The following THRB variants were observed in gnomAD, a reference collection of about 807,000 sequenced individuals.
The protein encoded by THRB is nuclear receptor subfamily 1 group A member 2.
In THRB, 12 loss-of-function variants were observed where a neutral mutation model predicts 47.8. The ratio of observed to expected loss-of-function variants is 0.25; its 90% confidence interval spans 0.16 to 0.41. THRB has a LOEUF of 0.41. THRB is among the 10% of genes least tolerant of loss of function. THRB has a pLI of 1.00. For missense variants in THRB, 348 were observed against 589.2 expected (o/e 0.59, Z 4.24); for synonymous variants, 218 against 212.2 (o/e 1.03, Z -0.24).
At chr3:24,465,402 G>A (rs1454168640) in intron 1 of THRB, among the ~76,000 whole-genome samples, 5 of 152,012 alleles carry the variant, frequency 3.3e-5, no homozygotes, top group Non-Finnish European at 7.4e-5. Context: ...AATCTGCCTG[G>A]GGTTTAGAAT....
chr3:24,193,445 A>T (rs2043590366), intron 4 of THRB, among the ~76,000 whole-genome samples: 2 of 152,202 alleles, frequency 1.3e-5, no homozygotes, highest in South Asian at 4.1e-4. Context: ...AAGGTAAGAA[A>T]ATAAATTAGT....
At chr3:24,215,925 C>T (rs2046516958) in intron 4 of THRB, among the ~76,000 whole-genome samples, 1 of 152,214 alleles carries the variant, frequency 6.6e-6, no homozygotes. Flanking sequence ...ATGACCTTGA[C>T]AAGTGTCACC....
chr3:24,333,846 T>G (rs1350849415), intron 2 of THRB, among the ~76,000 whole-genome samples: 1 of 152,196 alleles, frequency 6.6e-6, no homozygotes, highest in Non-Finnish European at 1.5e-5. Context: ...TAATACAGCC[T>G]CAAAGGCTGG....
rs546992417 is a variant in THRB, at chr3:24,412,929, A to T, written c.-260-75558T>A. ...GTGAGAAAAAAATCTAATTGTATTA[A>T]TGCTCTAGGAAATACAAATTTAAAT... is the stretch of plus-strand genomic sequence containing the variant. On this transcript the variant is annotated intron_variant, in intron 1 of 10. Coordinates refer to ENST00000646209, the MANE Select transcript of THRB (RefSeq NM_001354712.2). Among the ~76,000 whole-genome samples the T allele has an allele frequency of 3.3e-5, 5 of 151,958 alleles. No individual in the cohort carries two copies. In the South Asian group the frequency reaches 1.0e-3, roughly 32 times the overall value.
At chr3:24,192,093 G>A (rs1054641194) in intron 4 of THRB, among the ~76,000 whole-genome samples, 1 of 152,150 alleles carries the variant, frequency 6.6e-6, no homozygotes, top group Admixed American at 6.5e-5. Context: ...AATCAAAAAG[G>A]TGTGGACTTC....
chr3:24,240,570 G>A (rs775655496), intron 3 of THRB, among the ~76,000 whole-genome samples: 14 of 152,254 alleles, frequency 9.2e-5, no homozygotes, highest in Middle Eastern at 3.4e-3. Flanking sequence ...AGAGTTGTAC[G>A]AATACCTCAG....
intron 1 of THRB, among the ~76,000 whole-genome samples, chr3:24,406,276 A>C (rs1354279777): frequency 6.6e-6 from 1 of 151,684 alleles, no homozygotes; most frequent in Non-Finnish European, 1.5e-5. Flanking sequence ...TGGATATTTA[A>C]TCTTTTAAAA....
chr3:24,396,619 G>A (rs1456839992), intron 1 of THRB, among the ~76,000 whole-genome samples: 3 of 152,032 alleles, frequency 2.0e-5, no homozygotes, highest in Admixed American at 6.6e-5. Flanking sequence ...CTGGGTGAGC[G>A]CTCTAAACTA....
chr3:24,178,734 G>A (rs978643405), intron 5 of THRB, among the ~76,000 whole-genome samples: 3 of 152,158 alleles, frequency 2.0e-5, no homozygotes, highest in African/African-American at 7.2e-5. Context: ...AATCGAAGCA[G>A]ACTAGAGTAG....
chr3:24,276,246 A>G (rs1166273943), intron 3 of THRB, among the ~76,000 whole-genome samples: 1 of 152,182 alleles, frequency 6.6e-6, no homozygotes, highest in Non-Finnish European at 1.5e-5. Flanking sequence ...ACATTGTACA[A>G]TTGGTTGACG....
At chr3:24,218,340 CTCTTTTTT>C (rs1377786888) in intron 4 of THRB, among the ~76,000 whole-genome samples, 1 of 117,288 alleles carries the variant, frequency 8.5e-6, no homozygotes, top group Admixed American at 8.5e-5. Flanking sequence ...CTCTCTCTCT[CTCTTTTTT>C]TTTTTTTTTT....
At chr3:24,350,225 T>C (rs2063282676) in intron 1 of THRB, among the ~76,000 whole-genome samples, 1 of 152,212 alleles carries the variant, frequency 6.6e-6, no homozygotes, top group African/African-American at 2.4e-5. Context: ...ATACCTAGTA[T>C]TGGAGAAGAT....
chr3:24,372,878 A>T (rs1187142235), intron 1 of THRB, among the ~76,000 whole-genome samples: 2 of 152,110 alleles, frequency 1.3e-5, no homozygotes, highest in African/African-American at 4.8e-5. Flanking sequence ...AGTTCAGAAC[A>T]CCTATGAGAA....
At chr3:24,252,830 C>T (rs536894123) in intron 3 of THRB, among the ~76,000 whole-genome samples, 5 of 152,060 alleles carry the variant, frequency 3.3e-5, no homozygotes, top group South Asian at 4.2e-4. Flanking sequence ...CGGTATGTGA[C>T]ATCCATATAT....
chr3:24,413,521 T>C (rs1049138914), intron 1 of THRB, among the ~76,000 whole-genome samples: 4 of 151,862 alleles, frequency 2.6e-5, no homozygotes, highest in Admixed American at 6.6e-5. Context: ...ATATTCACAA[T>C]TGAAATTAAA....
At chr3:24,386,217 C>T (rs181569405) in intron 1 of THRB, among the ~76,000 whole-genome samples, 2 of 152,168 alleles carry the variant, frequency 1.3e-5, no homozygotes, top group Admixed American at 1.3e-4. Flanking sequence ...ATCTTGCATT[C>T]TCAATATCAC....
rs377596927 is a variant in THRB, at chr3:24,224,231, TTCA to T, written c.22+4704_22+4706del. 5.2e-3 allele frequency among the ~76,000 whole-genome samples: 797 copies of T among 152,364 alleles called. 7 individuals are homozygous for T. Among genetic ancestry groups the T allele is most frequent in the South Asian group, 0.014 (67 of 4,830 alleles). Reference sequence around the variant, plus strand: ...TATGTACAAGGCAGTTCATTATATATTCATCATGTCAATATGTAATAAATATGT... The same window carrying T: ...TATGTACAAGGCAGTTCATTATATATTCATGTCAATATGTAATAAATATGT... On this transcript the variant is annotated intron_variant, in intron 4 of 10. Coordinates refer to ENST00000646209, the MANE Select transcript of THRB (RefSeq NM_001354712.2).
intron 3 of THRB, among the ~76,000 whole-genome samples, chr3:24,245,250 C>A (rs1045430178): frequency 9.8e-6 from 1 of 101,550 alleles, no homozygotes; most frequent in Non-Finnish European, 2.6e-5. Context: ...CCCTTTGTGA[C>A]CCAGCTGGCA....
chr3:24,205,874 T>C (rs547302033), intron 4 of THRB, among the ~76,000 whole-genome samples: 34 of 152,232 alleles, frequency 2.2e-4, no homozygotes, highest in African/African-American at 7.5e-4. Context: ...AAACAGACTT[T>C]AAACCAACAA....
Sources: allele counts gnomAD v4.1 joint callset (sites outside exome capture counted in the v4.1 genomes callset), GRCh38; gene constraint gnomAD v4.1.1; transcripts MANE v1.5; gene names NCBI Gene and HGNC (gene_info 2026-07-23, HGNC 2026-07-21).